Variants in HHAT observed in about 807,000 individuals in gnomAD.
The protein encoded by HHAT is protein-cysteine N-palmitoyltransferase HHAT.
In HHAT, 47 loss-of-function variants were observed where a neutral mutation model predicts 70.8. The ratio of observed to expected loss-of-function variants is 0.66; its 90% CI spans 0.53 to 0.85. The LOEUF (loss-of-function observed/expected upper bound fraction) is 0.85. HHAT is among the 40% of genes least tolerant of loss of function. The probability of loss-of-function intolerance (pLI) is 0.00; values close to 1 mark genes in which losing one functional copy is unlikely to be tolerated. For missense variants in HHAT, 609 were observed against 604.8 expected (o/e 1.01, Z -0.07); for synonymous variants, 228 against 247.6 (o/e 0.92, Z 0.74).
chr1:210,399,801 G>C (rs1261360897), intron 4 of HHAT, among the ~76,000 whole-genome samples: 1 of 152,158 alleles, frequency 6.6e-6, no homozygotes, highest in Admixed American at 6.5e-5. Flanking sequence ...TTGATGATTA[G>C]ATAAAAATCT....
Position 210,450,995 on chromosome 1 carries a change from G to A in HHAT, c.857-13510G>A, listed in dbSNP as rs138864852. Among the ~76,000 whole-genome samples, 1,182 of 151,534 alleles carry A rather than the reference G, an allele frequency of 7.8e-3. 17 individuals are homozygous for A. The highest frequency in any genetic ancestry group is 0.026 in the African/African-American group (1,082 of 41,256). On this transcript the variant is annotated intron_variant, in intron 7 of 11. Coordinates refer to ENST00000261458, the MANE Select transcript of HHAT (RefSeq NM_018194.6). ...CCAGCTACTTGGGAGGCTGAGGCAG[G>A]AGAATGGTGTGAACCCGGGAGGTGG...
At chr1:210,336,733 A>G (rs536427230) in intron 1 of HHAT, among the ~76,000 whole-genome samples, 73 of 152,310 alleles carry the variant, frequency 4.8e-4, no homozygotes, top group South Asian at 3.1e-3. Context: ...GCAATGAGCT[A>G]TGATCATGCC....
intron 3 of HHAT, among the ~76,000 whole-genome samples, chr1:210,367,156 T>C (rs1423457501): frequency 1.3e-5 from 2 of 152,216 alleles, no homozygotes; most frequent in Non-Finnish European, 2.9e-5. Flanking sequence ...ATAGCACTCT[T>C]TTGGGTGAAA....
intron 3 of HHAT, among the ~76,000 whole-genome samples, chr1:210,387,150 C>T (rs3765864): frequency 0.61 from 92,005 of 151,956 alleles, 28,113 homozygotes; most frequent in African/African-American, 0.67. Flanking sequence ...ATAATAATAG[C>T]ATCTATACTA....
chr1:210,639,771 G>A (rs1438981827), intron 11 of HHAT, among the ~76,000 whole-genome samples: 1 of 152,132 alleles, frequency 6.6e-6, no homozygotes, highest in Non-Finnish European at 1.5e-5. Flanking sequence ...TCCCCTTTGT[G>A]TCATCGTTAG....
At chr1:210,366,975 A>G (rs777443113) in intron 3 of HHAT, among the ~76,000 whole-genome samples, 3 of 152,154 alleles carry the variant, frequency 2.0e-5, no homozygotes, top group Non-Finnish European at 4.4e-5. Context: ...ACAGCTTTCA[A>G]TGAGAGTGTC....
rs185886076 is a variant in HHAT, at chr1:210,539,854, A to T, written c.1043+26666A>T. Among the ~76,000 whole-genome samples, 3 of 152,278 alleles carry T rather than the reference A, an allele frequency of 2.0e-5. No homozygotes were observed. In the East Asian group the frequency reaches 5.8e-4, roughly 29 times the overall value. On this transcript the variant is annotated intron_variant, in intron 9 of 11. Transcript: ENST00000261458. ...CTTCCAGTAAATCCTCCTGGATATG[A>T]GAGTGTGTATCTGTTCCTTCCACTC...
chr1:210,621,680 C>G (rs1362795501), intron 10 of HHAT, among the ~76,000 whole-genome samples: 3 of 152,164 alleles, frequency 2.0e-5, no homozygotes, highest in Non-Finnish European at 4.4e-5. Context: ...ATGTAGTTAT[C>G]TCGTACCAGG....
chr1:210,384,051 G>C (rs1401062352), intron 3 of HHAT, among the ~76,000 whole-genome samples: 1 of 152,116 alleles, frequency 6.6e-6, no homozygotes, highest in Admixed American at 6.5e-5. Context: ...CTCTGCTGTG[G>C]GTAGGAAAAG....
chr1:210,547,562 G>A (rs576224699), intron 9 of HHAT, among the ~76,000 whole-genome samples: 1 of 152,086 alleles, frequency 6.6e-6, no homozygotes, highest in Admixed American at 6.6e-5. Context: ...ATTAAGGCAG[G>A]TCCCAAAGGG....
chr1:210,484,359 C>T (rs1006404151), intron 8 of HHAT, among the ~76,000 whole-genome samples: 5 of 152,116 alleles, frequency 3.3e-5, no homozygotes, highest in African/African-American at 1.2e-4. Flanking sequence ...AGGAATACTA[C>T]ATAAGAAGTG....
Position 210,619,091 on chromosome 1 carries a change from G to A in HHAT, c.1246-4435G>A, listed in dbSNP as rs561820441. Among the ~76,000 whole-genome samples, 66 of 152,310 alleles carry A rather than the reference G, an allele frequency of 4.3e-4. 1 individual carries two copies. The South Asian group carries it at 8.5e-3, about 20-fold the overall frequency. On this transcript the variant is annotated intron_variant, in intron 10 of 11. Coordinates refer to ENST00000261458, the MANE Select transcript of HHAT (RefSeq NM_018194.6). ...AATTGGAGGTCTGCCCTAGGCCAGT[G>A]TTCTGAGGGGCTTGCTGTAACCAGG... is the stretch of plus-strand genomic sequence containing the variant.
chr1:210,445,745 A>G (rs3765846), intron 7 of HHAT, among the ~76,000 whole-genome samples: 28,497 of 152,060 alleles, frequency 0.19, 3,204 homozygotes, highest in Admixed American at 0.34. Flanking sequence ...TGTTAATGCA[A>G]TTGATTTCTA....
chr1:210,336,690 A>G (rs1040757821), intron 1 of HHAT, among the ~76,000 whole-genome samples: 7 of 152,118 alleles, frequency 4.6e-5, no homozygotes, highest in African/African-American at 1.7e-4. Context: ...AAGCTAAGGC[A>G]GGAGGATCTC....
chr1:210,610,814 A>G (rs933428381), intron 10 of HHAT, among the ~76,000 whole-genome samples: 9 of 152,154 alleles, frequency 5.9e-5, no homozygotes, highest in African/African-American at 1.7e-4. Flanking sequence ...GTTGGAGATC[A>G]GACGATTATA....
intron 10 of HHAT, among the ~76,000 whole-genome samples, chr1:210,609,648 C>T (rs1161891978): frequency 1.3e-5 from 2 of 152,110 alleles, no homozygotes; most frequent in East Asian, 3.9e-4. Context: ...AGCTGTTCTT[C>T]CTGATGCTTT....
At chr1:210,456,722 C>T (rs139096205) in intron 7 of HHAT, among the ~76,000 whole-genome samples, 197 of 152,344 alleles carry the variant, frequency 1.3e-3, no homozygotes, top group African/African-American at 4.5e-3. Flanking sequence ...TAGCTTCTCC[C>T]TGGTGGGGCT....
chr1:210,633,939 T>C (rs545665798), intron 11 of HHAT, among the ~76,000 whole-genome samples: 1 of 152,300 alleles, frequency 6.6e-6, no homozygotes, highest in African/African-American at 2.4e-5. Context: ...CTGCTAATTT[T>C]AGCCCTACTT....
intron 8 of HHAT, among the ~76,000 whole-genome samples, chr1:210,486,217 A>G (rs1173068166): frequency 6.6e-6 from 1 of 152,166 alleles, no homozygotes; most frequent in African/African-American, 2.4e-5. Flanking sequence ...TCAGGATGTT[A>G]ATTAATATAT....
Sources: gnomAD v4.1 joint callset for allele counts (sites outside exome capture counted in the v4.1 genomes callset) on GRCh38, gnomAD v4.1.1 for gene constraint, MANE v1.5 for transcripts, NCBI Gene and HGNC (gene_info 2026-07-23, HGNC 2026-07-21) for gene names.